GALNTL6: variants seen among roughly 807,000 people sequenced by gnomAD.
The protein encoded by GALNTL6 is polypeptide N-acetylgalactosaminyltransferase like 6, also known as polypeptide N-acetylgalactosaminyltransferase-like 6.
In GALNTL6, 46 loss-of-function variants were observed where a neutral mutation model predicts 73.7. The observed-to-expected ratio is 0.62, with a 90% CI of 0.49 to 0.80. GALNTL6 has a LOEUF of 0.80. Ranked by LOEUF, GALNTL6 falls within the 30% of genes least tolerant of loss-of-function variation. GALNTL6 has a pLI of 0.00. For missense variants in GALNTL6, 604 were observed against 755.0 expected (o/e 0.80, Z 2.34); for synonymous variants, 259 against 263.7 (o/e 0.98, Z 0.17).
intron 2 of GALNTL6, among the ~76,000 whole-genome samples, chr4:172,000,114 A>G (rs1467610939): frequency 1.3e-5 from 2 of 152,162 alleles, no homozygotes; most frequent in East Asian, 1.9e-4. Context: ...ACATGAAACA[A>G]TATTCAGTGA....
intron 2 of GALNTL6, among the ~76,000 whole-genome samples, chr4:172,087,520 ATATAG>A (rs968446431): frequency 7.2e-5 from 11 of 151,934 alleles, no homozygotes; most frequent in African/African-American, 2.7e-4. Flanking sequence ...ATAGAAATGT[ATATAG>A]TAATAATGTT....
intron 12 of GALNTL6, among the ~76,000 whole-genome samples, chr4:173,034,293 A>G (rs1001133742): frequency 4.6e-5 from 7 of 151,912 alleles, no homozygotes; most frequent in African/African-American, 1.7e-4. Context: ...CCTCACTGCC[A>G]CCCTAACTAT....
At chr4:172,965,822 C>A (rs75387728) in intron 10 of GALNTL6, among the ~76,000 whole-genome samples, 2 of 151,896 alleles carry the variant, frequency 1.3e-5, no homozygotes, top group Non-Finnish European at 2.9e-5. Context: ...ATTTTATAAA[C>A]ATATGTATTT....
At chr4:173,025,752 G>T (rs950424747) in intron 12 of GALNTL6, among the ~76,000 whole-genome samples, 1 of 152,184 alleles carries the variant, frequency 6.6e-6, no homozygotes, top group African/African-American at 2.4e-5. Flanking sequence ...CCGACCATCA[G>T]CCCTTAGAGT....
chr4:172,729,532 T>G, intron 5 of GALNTL6, among the ~76,000 whole-genome samples: 1 of 152,228 alleles, frequency 6.6e-6, no homozygotes, highest in South Asian at 2.1e-4. Context: ...AAGTTGAAGA[T>G]AAGCAGGCTG....
chr4:173,013,962 C>A (rs915099434), intron 11 of GALNTL6, among the ~76,000 whole-genome samples: 2 of 151,202 alleles, frequency 1.3e-5, no homozygotes, highest in African/African-American at 2.4e-5. Context: ...CGGAACATGA[C>A]AATTATGGAT....
intron 8 of GALNTL6, among the ~76,000 whole-genome samples, chr4:172,930,346 G>C (rs1444491982): frequency 6.6e-6 from 1 of 151,988 alleles, no homozygotes; most frequent in Admixed American, 6.6e-5. Flanking sequence ...AGTGGCGGGG[G>C]GAGAAATGAG....
At chr4:172,805,908 A>C (rs1740928630) in intron 5 of GALNTL6, among the ~76,000 whole-genome samples, 2 of 152,122 alleles carry the variant, frequency 1.3e-5, no homozygotes, top group Non-Finnish European at 2.9e-5. Flanking sequence ...GGCTGGATGA[A>C]GGATATTTTT....
intron 5 of GALNTL6, among the ~76,000 whole-genome samples, chr4:172,360,891 T>A (rs6827476): frequency 0.019 from 2,888 of 152,242 alleles, 84 homozygotes; most frequent in African/African-American, 0.064. Context: ...ATATTGCAAG[T>A]CCAGGTTTGA....
chr4:171,927,437 T>C lies in GALNTL6; in HGVS notation c.138+112719T>C, dbSNP rs189025338. 1.6e-3 allele frequency among the ~76,000 whole-genome samples: 247 copies of C among 152,262 alleles called. 1 individual carries two copies. Among genetic ancestry groups the C allele is most frequent in the African/African-American group, 5.7e-3 (235 of 41,562 alleles). ...ATTAAAAATACTATAGATTTTGTGT[T>C]TTTCAATATCATTTTACTATTATCT... is the stretch of plus-strand genomic sequence containing the variant. On this transcript the variant is annotated intron_variant, in intron 2 of 12. Transcript: ENST00000506823.
At chr4:172,912,743 C>T (rs537057162) in intron 8 of GALNTL6, among the ~76,000 whole-genome samples, 1 of 152,330 alleles carries the variant, frequency 6.6e-6, no homozygotes, top group African/African-American at 2.4e-5. Flanking sequence ...GAGCCCAGCG[C>T]AGCTCAGTGA....
chr4:172,337,039 T>G (rs920013343), intron 4 of GALNTL6, among the ~76,000 whole-genome samples: 4 of 152,200 alleles, frequency 2.6e-5, no homozygotes, highest in Non-Finnish European at 5.9e-5. Flanking sequence ...TTTTCCCTTT[T>G]TTGCTGTCAT....
chr4:172,572,560 A>T (rs563072872), intron 5 of GALNTL6, among the ~76,000 whole-genome samples: 15 of 152,126 alleles, frequency 9.9e-5, no homozygotes, highest in Non-Finnish European at 2.2e-4. Flanking sequence ...TACATAAATA[A>T]TTCTGATAAA....
At chr4:172,803,713 A>G (rs1485413873) in intron 5 of GALNTL6, among the ~76,000 whole-genome samples, 1 of 152,138 alleles carries the variant, frequency 6.6e-6, no homozygotes, top group Non-Finnish European at 1.5e-5. Context: ...TTTTCTTTTT[A>G]TATTAGCAAA....
chr4:172,366,839 A>G (rs1279477425), intron 5 of GALNTL6, among the ~76,000 whole-genome samples: 1 of 152,234 alleles, frequency 6.6e-6, no homozygotes, highest in African/African-American at 2.4e-5. Context: ...AATGAATATA[A>G]TAATGCTACC....
At chr4:172,121,265 G>GTGTGTA (rs1733143480) in intron 2 of GALNTL6, among the ~76,000 whole-genome samples, 1 of 128,306 alleles carries the variant, frequency 7.8e-6, no homozygotes, top group South Asian at 2.3e-4. Context: ...CATTGTGTGT[G>GTGTGTA]TGTGTGTGTG....
chr4:172,916,184 C>G (rs901873281), intron 8 of GALNTL6, among the ~76,000 whole-genome samples: 2 of 152,114 alleles, frequency 1.3e-5, no homozygotes, highest in African/African-American at 2.4e-5. Context: ...AGGCCTTTGA[C>G]AAAATTCAAC....
At chr4:173,012,635 G>A (rs1752606642) in intron 11 of GALNTL6, among the ~76,000 whole-genome samples, 1 of 152,184 alleles carries the variant, frequency 6.6e-6, no homozygotes, top group African/African-American at 2.4e-5. Context: ...AGGGTGGTTA[G>A]GAGAATAAAT....
chr4:172,798,692 C>G (rs1395286735), intron 5 of GALNTL6, among the ~76,000 whole-genome samples: 2 of 152,274 alleles, frequency 1.3e-5, no homozygotes, highest in Non-Finnish European at 2.9e-5. Flanking sequence ...TATGAATGTG[C>G]ACGTACATGT....
Sources: allele counts gnomAD v4.1 joint callset (sites outside exome capture counted in the v4.1 genomes callset), GRCh38; gene constraint gnomAD v4.1.1; transcripts MANE v1.5; gene names NCBI Gene and HGNC (gene_info 2026-07-23, HGNC 2026-07-21).